The following NAV2 variants were observed in gnomAD, a reference collection of about 807,000 sequenced individuals.
NAV2 encodes the protein neuron navigator 2, also known as helicase, APC down-regulated 1.
NAV2 carries 54 observed loss-of-function variants against 223.2 expected under a neutral mutation model. That is an observed-to-expected ratio of 0.24 (90% CI 0.19 to 0.30). The LOEUF is 0.30. Ranked by LOEUF, NAV2 falls within the 10% of genes least tolerant of loss-of-function variation. The pLI, the probability that NAV2 is intolerant of heterozygous loss-of-function variation, is 1.00. For missense variants in NAV2, 2,806 were observed against 3,147.5 expected, an observed-to-expected ratio of 0.89 and a Z score of 2.60; for synonymous variants, 1,279 against 1,239.3, an observed-to-expected ratio of 1.03 and a Z score of -0.67.
intron 11 of NAV2, among the ~76,000 whole-genome samples, chr11:19,985,762 G>A (rs571606456): frequency 1.3e-5 from 2 of 152,186 alleles, no homozygotes; most frequent in African/African-American, 4.8e-5. Flanking sequence ...TTTTAGTAGA[G>A]ACGGGGTTTC....
At chr11:19,530,647 G>T (rs999119037) in intron 1 of NAV2, among the ~76,000 whole-genome samples, 11 of 152,346 alleles carry the variant, frequency 7.2e-5, no homozygotes, top group African/African-American at 2.6e-4. Context: ...GAAATGTGCT[G>T]TGGTTTTGTG....
At chr11:19,512,697 G>T (rs2043317364) in intron 1 of NAV2, among the ~76,000 whole-genome samples, 1 of 152,196 alleles carries the variant, frequency 6.6e-6, no homozygotes, top group African/African-American at 2.4e-5. Context: ...CAGGAGAAAA[G>T]AAAATGTTTG....
intron 1 of NAV2, among the ~76,000 whole-genome samples, chr11:19,803,007 G>C (rs141624624): frequency 0.012 from 1,855 of 152,250 alleles, 11 homozygotes; most frequent in Non-Finnish European, 0.018. Context: ...TCATGTTCTT[G>C]CACAGAGACG....
chr11:20,022,331 C>G (rs2054577904), intron 11 of NAV2, among the ~76,000 whole-genome samples: 1 of 152,194 alleles, frequency 6.6e-6, no homozygotes, highest in South Asian at 2.1e-4. Flanking sequence ...CTGGGACTCT[C>G]TCCCACCCAC....
intron 1 of NAV2, among the ~76,000 whole-genome samples, chr11:19,355,944 A>T (rs1381315941): frequency 2.0e-5 from 3 of 152,142 alleles, no homozygotes; most frequent in African/African-American, 7.2e-5. Context: ...ATGGATACTG[A>T]CATGTTAGGT....
intron 11 of NAV2, among the ~76,000 whole-genome samples, chr11:20,031,150 G>T (rs2055690895): frequency 6.6e-6 from 1 of 152,198 alleles, no homozygotes; most frequent in Admixed American, 6.5e-5. Context: ...CAGAATCATA[G>T]CTGCGTACAC....
rs151180202 is a variant in NAV2, at chr11:19,535,151, T to A, written c.75+184124T>A. 4.9e-4 allele frequency among the ~76,000 whole-genome samples: 75 copies of A among 151,864 alleles called. No homozygotes were observed. In the East Asian group the frequency reaches 0.011, roughly 22 times the overall value. Reference sequence around the variant, plus strand: ...ATTGTGCAGGCAGGGCTGTGGAGAGTGGCTTGGCAGTGGCTCTGAGGAGAT... The same window carrying A: ...ATTGTGCAGGCAGGGCTGTGGAGAGAGGCTTGGCAGTGGCTCTGAGGAGAT... On this transcript the variant is annotated intron_variant, in intron 1 of 37. Coordinates refer to the NAV2 transcript ENST00000360655.
At chr11:19,502,292 A>G (rs1438242920) in intron 1 of NAV2, among the ~76,000 whole-genome samples, 1 of 152,152 alleles carries the variant, frequency 6.6e-6, no homozygotes, top group Admixed American at 6.5e-5. Flanking sequence ...TTCCCTATTT[A>G]TAATTTAGAG....
At chr11:19,665,951 C>T (rs2048398665) in intron 1 of NAV2, among the ~76,000 whole-genome samples, 1 of 152,176 alleles carries the variant, frequency 6.6e-6, no homozygotes. Flanking sequence ...TCATCATCAT[C>T]ATCGTCATCA....
chr11:19,888,732 G>C (rs932153938), intron 5 of NAV2, among the ~76,000 whole-genome samples: 1 of 151,964 alleles, frequency 6.6e-6, no homozygotes, highest in Non-Finnish European at 1.5e-5. Context: ...GCACACACCA[G>C]CTCTTTCTTT....
intron 1 of NAV2, among the ~76,000 whole-genome samples, chr11:19,785,409 C>A (rs1203232718): frequency 6.6e-6 from 1 of 152,158 alleles, no homozygotes; most frequent in Non-Finnish European, 1.5e-5. Context: ...TGGAAATGGG[C>A]CACAGATGAC....
chr11:19,618,442 A>T (rs1172925264), intron 1 of NAV2, among the ~76,000 whole-genome samples: 1 of 149,760 alleles, frequency 6.7e-6, no homozygotes, highest in Non-Finnish European at 1.5e-5. Flanking sequence ...GGATGGACGG[A>T]TGGGTGGATG....
chr11:19,487,238 T>C (rs980832958), intron 1 of NAV2, among the ~76,000 whole-genome samples: 17 of 152,206 alleles, frequency 1.1e-4, no homozygotes, highest in Admixed American at 8.5e-4. Flanking sequence ...ACTTGCAAGG[T>C]CACCTTGAAG....
intron 1 of NAV2, among the ~76,000 whole-genome samples, chr11:19,351,461 A>T (rs1359269971): frequency 6.6e-6 from 1 of 152,172 alleles, no homozygotes; most frequent in Admixed American, 6.5e-5. Flanking sequence ...TGGATCAAAA[A>T]CATATTCTAC....
intron 1 of NAV2, among the ~76,000 whole-genome samples, chr11:19,773,701 G>A (rs1010759213): frequency 1.3e-5 from 2 of 152,140 alleles, no homozygotes; most frequent in Non-Finnish European, 2.9e-5. Flanking sequence ...CAAATCTACA[G>A]GGTCCTGACA....
At chr11:19,555,446 T>TG (rs111884300) in intron 1 of NAV2, among the ~76,000 whole-genome samples, 10,590 of 151,770 alleles carry the variant, frequency 0.07, 1,213 homozygotes, top group African/African-American at 0.24. Flanking sequence ...CTCCCAGACC[T>TG]GGGGGGGGCT....
chr11:19,733,282 G>A (rs1181387834), intron 1 of NAV2, among the ~76,000 whole-genome samples: 5 of 152,222 alleles, frequency 3.3e-5, no homozygotes, highest in Admixed American at 3.3e-4. Flanking sequence ...CTATCACTCT[G>A]TGTTTATGTC....
intron 5 of NAV2, among the ~76,000 whole-genome samples, chr11:19,880,920 T>C (rs1305075511): frequency 6.6e-6 from 1 of 152,210 alleles, no homozygotes; most frequent in East Asian, 1.9e-4. Context: ...GTTCATACTG[T>C]TTTCTTTTAA....
At chr11:20,025,010 G>A (rs556077433) in intron 11 of NAV2, among the ~76,000 whole-genome samples, 7 of 152,206 alleles carry the variant, frequency 4.6e-5, no homozygotes, top group African/African-American at 1.7e-4. Context: ...ATATGACCAT[G>A]ATCTATTTAG....
Sources: allele counts gnomAD v4.1 joint callset (sites outside exome capture counted in the v4.1 genomes callset), GRCh38; gene constraint gnomAD v4.1.1; transcripts MANE v1.5; gene names NCBI Gene and HGNC (gene_info 2026-07-23, HGNC 2026-07-21).